MAPK14: variants seen among roughly 807,000 people sequenced by gnomAD.
MAPK14 encodes mitogen-activated protein kinase 14.
MAPK14 carries 16 observed loss-of-function variants against 49.6 expected under a neutral mutation model. The observed-to-expected ratio is 0.32, with a 90% CI of 0.22 to 0.49. The LOEUF is 0.49. Among genes scored for constraint, MAPK14 ranks in the 20% least tolerant of loss-of-function variants. The pLI is 0.99. For synonymous variants in MAPK14, 142 were observed against 158.0 expected, an observed-to-expected ratio of 0.90 and a Z score of 0.76; for missense variants, 200 against 441.2, an observed-to-expected ratio of 0.45 and a Z score of 4.90.
chr6:36,032,743 G>A (rs915367169), intron 1 of MAPK14, among the ~76,000 whole-genome samples: 1 of 152,224 alleles, frequency 6.6e-6, no homozygotes, highest in African/African-American at 2.4e-5. Flanking sequence ...GGAACTTACA[G>A]CCTAGTGGGT....
At chr6:36,092,544 T>C in intron 8 of MAPK14, 2 of 500,678 alleles carry the variant, frequency 4.0e-6, no homozygotes, top group South Asian at 3.3e-5. Context: ...AGGAGCCATG[T>C]ATGTTGTTTT....
At chr6:36,063,733 G>A (rs1027670768) in intron 3 of MAPK14, among the ~76,000 whole-genome samples, 16 of 152,142 alleles carry the variant, frequency 1.1e-4, no homozygotes, top group African/African-American at 3.9e-4. Flanking sequence ...ACAATATACA[G>A]TTACTGAATC....
chr6:36,098,699 A>G (rs1421689419), intron 9 of MAPK14, among the ~76,000 whole-genome samples: 1 of 152,236 alleles, frequency 6.6e-6, no homozygotes, highest in Non-Finnish European at 1.5e-5. Flanking sequence ...CAGGCCAGGT[A>G]TCATTCACAG....
At chr6:36,048,882 G>A (rs756306389) in intron 1 of MAPK14, among the ~76,000 whole-genome samples, 20 of 152,180 alleles carry the variant, frequency 1.3e-4, no homozygotes, top group Non-Finnish European at 1.0e-4. Flanking sequence ...TTAATTTAAA[G>A]TCATGGGCAT....
rs1333723199 is a variant in MAPK14 at position 36,110,340 on chromosome 6, C to G, written c.*1893C>G. On this transcript the variant is annotated 3_prime_UTR_variant, in exon 12 of 12. Coordinates refer to ENST00000229794, the MANE Select transcript of MAPK14 (RefSeq NM_139012.3). ...ATTCCCTCTCACCCGGGACTCTCCCCCTTTCAAGGAAAGTGAACCTTTAAA... is the reference window on the plus strand; with the variant it reads ...ATTCCCTCTCACCCGGGACTCTCCCGCTTTCAAGGAAAGTGAACCTTTAAA... 6.6e-6 allele frequency: 1 copy of G among 152,634 alleles called. No individual in the cohort carries two copies. The highest frequency in any genetic ancestry group is 6.5e-5 in the Admixed American group (1 of 15,282). The allele number at this position is 152,634 out of a possible 1,614,324, so 9.5% of individuals were successfully genotyped here.
chr6:36,071,941 C>T (rs1448021432), intron 3 of MAPK14, among the ~76,000 whole-genome samples: 1 of 152,142 alleles, frequency 6.6e-6, no homozygotes, highest in Non-Finnish European at 1.5e-5. Flanking sequence ...CTGCCTCAGC[C>T]TCCCAAAGTG....
chr6:36,074,700 C>T (rs1359599672), intron 6 of MAPK14, among the ~76,000 whole-genome samples: 2 of 151,974 alleles, frequency 1.3e-5, no homozygotes, highest in African/African-American at 4.8e-5. Context: ...ACTGCAACCT[C>T]TGCCTCCCGG....
Position 36,097,308 on chromosome 6 carries a change from C to T in MAPK14, c.762+1242C>T, listed in dbSNP as rs1765478478. On this transcript the variant is annotated intron_variant, in intron 9 of 11. Transcript: ENST00000229794. Reference sequence around the variant, plus strand: ...GAGCTGAGTATAGATCCCAGATGTTCTGATAACATGATCCAAACTATAATC... The same window carrying T: ...GAGCTGAGTATAGATCCCAGATGTTTTGATAACATGATCCAAACTATAATC... 3 of 152,198 alleles carry T rather than the reference C, an allele frequency of 2.0e-5. No homozygotes were observed. In the South Asian group the frequency reaches 6.2e-4, roughly 32 times the overall value. The allele number at this position is 152,198 out of a possible 1,614,324, so 9.4% of individuals were successfully genotyped here. A position where few individuals can be genotyped will look rare whatever the true frequency, so the allele number is the denominator to read the frequency against.
intron 8 of MAPK14, among the ~76,000 whole-genome samples, chr6:36,080,408 CTG>C (rs1244168213): frequency 2.0e-5 from 3 of 152,130 alleles, no homozygotes; most frequent in Non-Finnish European, 2.9e-5. Context: ...CTTTCTGTCT[CTG>C]TGGATTTGCT....
intron 1 of MAPK14, among the ~76,000 whole-genome samples, chr6:36,040,639 A>G (rs1344619902): frequency 6.6e-6 from 1 of 152,186 alleles, no homozygotes; most frequent in Non-Finnish European, 1.5e-5. Context: ...GAAACAACTA[A>G]TTAGTGAGGG....
At chr6:36,038,555 A>G (rs1441582858) in intron 1 of MAPK14, among the ~76,000 whole-genome samples, 1 of 152,188 alleles carries the variant, frequency 6.6e-6, no homozygotes, top group Non-Finnish European at 1.5e-5. Flanking sequence ...CTAGGGTCCC[A>G]AGTTTTTCGT....
chr6:36,107,390 C>T lies in MAPK14; in HGVS notation c.842-65C>T, dbSNP rs1038726099. On this transcript the variant is annotated intron_variant, in intron 10 of 11. Coordinates refer to ENST00000229794, the MANE Select transcript of MAPK14 (RefSeq NM_139012.3). The surrounding 1 kb of genome is among the most constrained non-coding windows in gnomAD (Gnocchi z 4.3). ...ATGAAGGGTCAAAACTATGTTTGCT[C>T]AATAAGGCATACTTTTTTGTAACAT... The T allele has an allele frequency of 1.4e-5, 17 of 1,192,596 alleles. No homozygotes were observed. The African/African-American group carries it at 2.6e-4, about 18-fold the overall frequency. 73.9% of individuals were successfully genotyped at this position (1,192,596 alleles called of 1,614,324 possible). A position where few individuals can be genotyped will look rare whatever the true frequency, so the allele number is the denominator to read the frequency against.
At chr6:36,121,452 T>C in the MAPK14 span, among the ~76,000 whole-genome samples, 2 of 152,178 alleles carry the variant, frequency 1.3e-5, no homozygotes, top group Non-Finnish European at 2.9e-5. Context: ...TGACCAAAGC[T>C]GGATCCGGGT....
At chr6:36,030,618 C>T (rs1029998715) in intron 1 of MAPK14, among the ~76,000 whole-genome samples, 7 of 142,316 alleles carry the variant, frequency 4.9e-5, no homozygotes, top group Non-Finnish European at 9.0e-5. Context: ...ACCCGGGAGG[C>T]GGAGGTTGCA....
intron 3 of MAPK14, among the ~76,000 whole-genome samples, chr6:36,063,156 C>A (rs1335641223): frequency 6.6e-6 from 1 of 152,152 alleles, no homozygotes; most frequent in Admixed American, 6.5e-5. Context: ...CACACCTAAT[C>A]TATATGGTGT....
chr6:36,058,953 A>C (rs1462397967), intron 2 of MAPK14, among the ~76,000 whole-genome samples: 1 of 150,874 alleles, frequency 6.6e-6, no homozygotes, highest in Non-Finnish European at 1.5e-5. Context: ...GCAGTGGCGC[A>C]ATCTCGGGTC....
intron 8 of MAPK14, among the ~76,000 whole-genome samples, chr6:36,085,842 C>T (rs150687515): frequency 6.6e-6 from 1 of 152,330 alleles, no homozygotes; most frequent in African/African-American, 2.4e-5. Flanking sequence ...TATACAGAAA[C>T]AACAGAATAT....
At chr6:36,097,965 T>TA (rs1377915670) in intron 9 of MAPK14, 1 of 152,128 alleles carries the variant, frequency 6.6e-6, no homozygotes, top group Non-Finnish European at 1.5e-5. Context: ...AAAAGTAGTT[T>TA]AAACATCCTA....
At chr6:36,102,705 T>A in intron 10 of MAPK14, 56 bp downstream of exon 10, 1 of 1,604,874 alleles carries the variant, frequency 6.2e-7, no homozygotes, top group Non-Finnish European at 8.5e-7. Context: ...TGATATAAAT[T>A]GGGGATTTGA....
Sources: gnomAD v4.1 joint callset for allele counts (sites outside exome capture counted in the v4.1 genomes callset) on GRCh38, gnomAD v4.1.1 for gene constraint, Gnocchi (gnomAD v3.1) non-coding constraint, MANE v1.5 for transcripts, NCBI Gene and HGNC (gene_info 2026-07-23, HGNC 2026-07-21) for gene names.